Variants in FSTL5 observed in about 807,000 individuals in gnomAD.
The protein encoded by FSTL5 is follistatin like 5.
FSTL5 carries 62 observed loss-of-function variants against 89.1 expected under a neutral mutation model. The observed-to-expected ratio is 0.70, with a 90% CI of 0.57 to 0.86. The LOEUF is 0.86. Ranked by LOEUF, FSTL5 falls within the 40% of genes least tolerant of loss-of-function variation. FSTL5 has a pLI of 0.00. For synonymous variants in FSTL5, 383 were observed against 346.2 expected, an observed-to-expected ratio of 1.11 and a Z score of -1.18; for missense variants, 1,057 against 1,001.6, an observed-to-expected ratio of 1.06 and a Z score of -0.75.
At chr4:162,033,762 A>G in intron 2 of FSTL5, 104 bp from the exon 3 acceptor site, 1 of 623,922 alleles carries the variant, frequency 1.6e-6, no homozygotes, top group Non-Finnish European at 2.7e-6. Context: ...TTTTGTACAT[A>G]TTCCCAGGAA....
At chr4:161,649,798 A>G (rs1394844481) in intron 7 of FSTL5, among the ~76,000 whole-genome samples, 1 of 152,174 alleles carries the variant, frequency 6.6e-6, no homozygotes, top group Non-Finnish European at 1.5e-5. Flanking sequence ...TGGTTGTGGG[A>G]TATCCAGGAA....
At chr4:162,028,430 A>C (rs1488281454) in intron 3 of FSTL5, among the ~76,000 whole-genome samples, 1 of 152,146 alleles carries the variant, frequency 6.6e-6, no homozygotes, top group Non-Finnish European at 1.5e-5. Context: ...TACAAAAATT[A>C]GCCAGGGGTG....
At chr4:161,901,187 C>CA (rs5863498) in intron 4 of FSTL5, among the ~76,000 whole-genome samples, 14,980 of 132,722 alleles carry the variant, frequency 0.11, 777 homozygotes, top group South Asian at 0.17. Context: ...AAATCTAGAC[C>CA]AAAAAAAAAA....
chr4:161,565,705 G>A (rs564356928), intron 8 of FSTL5, among the ~76,000 whole-genome samples: 1 of 149,286 alleles, frequency 6.7e-6, no homozygotes, highest in East Asian at 2.0e-4. Context: ...ATTAGCCTGA[G>A]TGCTGATTTC....
intron 4 of FSTL5, among the ~76,000 whole-genome samples, chr4:161,902,769 A>G (rs1276676529): frequency 6.6e-6 from 1 of 152,138 alleles, no homozygotes; most frequent in East Asian, 1.9e-4. Context: ...GAATGGCGTG[A>G]ACCCGGGAGG....
chr4:161,446,533 C>T (rs1732953652), intron 15 of FSTL5, among the ~76,000 whole-genome samples: 1 of 151,858 alleles, frequency 6.6e-6, no homozygotes, highest in South Asian at 2.1e-4. Flanking sequence ...GTGCCCTTTT[C>T]CTTTGACAGA....
intron 4 of FSTL5, among the ~76,000 whole-genome samples, chr4:161,806,865 A>C (rs1729983564): frequency 6.6e-6 from 1 of 152,162 alleles, no homozygotes; most frequent in Non-Finnish European, 1.5e-5. Flanking sequence ...AAGTTCTCAT[A>C]CATACATACA....
At chr4:161,706,544 T>C (rs1413257567) in intron 6 of FSTL5, among the ~76,000 whole-genome samples, 2 of 152,048 alleles carry the variant, frequency 1.3e-5, no homozygotes, top group East Asian at 3.9e-4. Flanking sequence ...TTAGGATAAC[T>C]CTTAACAATC....
chr4:161,598,407 A>AAACAAAG (rs1734109950), intron 7 of FSTL5, among the ~76,000 whole-genome samples: 1 of 111,668 alleles, frequency 9.0e-6, no homozygotes, highest in Non-Finnish European at 2.0e-5. Flanking sequence ...AACAAACAAA[A>AAACAAAG]CGCATGTTTT....
At chr4:161,476,193 G>GTT (rs1358637705) in intron 13 of FSTL5, among the ~76,000 whole-genome samples, 1 of 69,824 alleles carries the variant, frequency 1.4e-5, no homozygotes, top group Non-Finnish European at 2.6e-5. Flanking sequence ...TTTTTTGTTT[G>GTT]TTTGTTTTTT....
At chr4:161,957,918 T>G (rs1735068803) in intron 3 of FSTL5, among the ~76,000 whole-genome samples, 1 of 152,088 alleles carries the variant, frequency 6.6e-6, no homozygotes, top group African/African-American at 2.4e-5. Flanking sequence ...TGTTTTCAAA[T>G]TTAAAAAATA....
chr4:161,748,115 G>A lies in FSTL5; in HGVS notation c.727+11296C>T, dbSNP rs188315774. ...GATGAGTACTAATGAGTGGTATCAG[G>A]CATACATGCAATAAATAGCTAATAA... is the stretch of plus-strand genomic sequence containing the variant. On this transcript the variant is annotated intron_variant, in intron 6 of 15. Coordinates refer to ENST00000306100, the MANE Select transcript of FSTL5 (RefSeq NM_020116.5). 3.0e-3 allele frequency among the ~76,000 whole-genome samples: 452 copies of A among 152,034 alleles called. 5 individuals carry two copies. Among genetic ancestry groups the A allele is most frequent in the African/African-American group, 0.01 (416 of 41,482 alleles).
intron 3 of FSTL5, among the ~76,000 whole-genome samples, chr4:161,977,664 A>AATAATC (rs1735702666): frequency 2.2e-5 from 3 of 135,436 alleles, no homozygotes; most frequent in Non-Finnish European, 4.6e-5. Flanking sequence ...TAATAATAAT[A>AATAATC]ATAAATTATT....
At chr4:162,136,341 T>A (rs560403795) in intron 1 of FSTL5, among the ~76,000 whole-genome samples, 2 of 151,952 alleles carry the variant, frequency 1.3e-5, no homozygotes, top group Admixed American at 6.6e-5. Context: ...AGGAGAGGAA[T>A]TGAAGATCAG....
chr4:161,563,766 AC>A lies in FSTL5; in HGVS notation c.1016-21074del, dbSNP rs1336977730. On this transcript the variant is annotated intron_variant, in intron 8 of 15. Transcript: ENST00000306100. The stretch of plus-strand genomic sequence containing the variant: ...TGCACATATTGTTCTTGTCAGTTAT[AC>A]TAAGGCAAATTTGGAAAAGTTATTG... 5.9e-5 allele frequency among the ~76,000 whole-genome samples: 9 copies of A among 151,992 alleles called. No homozygotes were observed. In the South Asian group the frequency reaches 1.2e-3, roughly 21 times the overall value.
At chr4:161,622,133 G>A (rs1266496327) in intron 7 of FSTL5, among the ~76,000 whole-genome samples, 2 of 151,948 alleles carry the variant, frequency 1.3e-5, no homozygotes, top group Non-Finnish European at 2.9e-5. Flanking sequence ...TTGTAAACAG[G>A]AATTTAGAAA....
chr4:162,090,810 A>AACACAC (rs750164662), intron 2 of FSTL5, among the ~76,000 whole-genome samples: 1 of 151,006 alleles, frequency 6.6e-6, no homozygotes, highest in African/African-American at 2.4e-5. Flanking sequence ...CAGAGCCAGA[A>AACACAC]ACACACACAC....
chr4:161,941,646 T>C (rs1189283672), intron 3 of FSTL5, among the ~76,000 whole-genome samples: 1 of 151,910 alleles, frequency 6.6e-6, no homozygotes, highest in East Asian at 1.9e-4. Flanking sequence ...CTAAACTACA[T>C]GAAGGGACCT....
rs28599516 is a variant in FSTL5 at position 161,848,501 on chromosome 4, T to C, written c.409+71903A>G. ...TTGATAAACAGTGCTTAAAGAATTCTTAATATTTAATATGATAGCACGTAA... is the reference window on the plus strand; with the variant it reads ...TTGATAAACAGTGCTTAAAGAATTCCTAATATTTAATATGATAGCACGTAA... On this transcript the variant is annotated intron_variant, in intron 4 of 15. Transcript: ENST00000306100. Among the ~76,000 whole-genome samples the C allele has an allele frequency of 4.8e-3, 733 of 152,326 alleles. 13 individuals carry two copies. The highest frequency in any genetic ancestry group is 0.017 in the African/African-American group (709 of 41,582).
Sources: gnomAD v4.1 joint callset for allele counts (sites outside exome capture counted in the v4.1 genomes callset) on GRCh38, gnomAD v4.1.1 for gene constraint, MANE v1.5 for transcripts, NCBI Gene and HGNC (gene_info 2026-07-23, HGNC 2026-07-21) for gene names.